Variants in MMRN2 observed in about 807,000 individuals in gnomAD.
MMRN2 encodes multimerin-2.
MMRN2 carries 53 observed loss-of-function variants against 68.8 expected under a neutral mutation model. The observed-to-expected ratio is 0.77, with a 90% confidence interval of 0.62 to 0.97. The LOEUF is 0.97. Ranked by LOEUF, MMRN2 falls within the 50% of genes least tolerant of loss-of-function variation. The pLI is 0.00. For synonymous variants in MMRN2, 564 were observed against 551.6 expected (o/e 1.02, Z -0.32); for missense variants, 1,266 against 1,259.5 (o/e 1.01, Z -0.08).
At position 86,957,385 on chromosome 10, in the gene MMRN2, C is replaced by CCAAGCAG; in HGVS notation, c.156_157insCTGCTTG (p.Val53LeufsTer6). On this transcript the variant is annotated frameshift_variant, in exon 1 of 7. Transcript: ENST00000372027. LOFTEE classifies it high-confidence loss of function. ...AGGTCCAGGCCCTCTTACCGTCCTA[C>CCAAGCAG]GGGGTCCTTGCCGGTGTCCTCAGCC... 1 of 1,613,152 alleles carries CCAAGCAG rather than the reference C, an allele frequency of 6.2e-7. No homozygotes were observed. Among genetic ancestry groups the CCAAGCAG allele is most frequent in the Non-Finnish European group, 8.5e-7 (1 of 1,179,858 alleles).
At chr10:86,941,798 T>TAAAAAA (rs55898424) in intron 6 of MMRN2, among the ~76,000 whole-genome samples, 1 of 115,048 alleles carries the variant, frequency 8.7e-6, no homozygotes, top group Non-Finnish European at 1.7e-5. Context: ...AGACCCATCT[T>TAAAAAA]AAAAAAAAAA....
Position 86,943,130 on chromosome 10 carries a change from C to G in MMRN2, c.1654G>C (p.Ala552Pro), listed in dbSNP as rs1275173130. Residue 552 changes from alanine to proline, a missense_variant, in exon 6 of 7, where the codon GCG (alanine) becomes CCG (proline). Ala to Pro is a conservative substitution (Grantham distance 27). Transcript: ENST00000372027. This position sits in a 1 kb window ranked among gnomAD's most constrained non-coding sequence, Gnocchi z 4.2. ...AVSLAVDAHK[A>P]EGERARAATS... ...GCCGCCCGCGCCCGCTCGCCCTCCG[C>G]TTTGTGCGCGTCCACGGCCAGCGAC... is the stretch of plus-strand genomic sequence containing the variant. 6.4e-7 allele frequency: 1 copy of G among 1,573,954 alleles called. No homozygotes were observed. The highest frequency in any genetic ancestry group is 1.4e-5 in the African/African-American group (1 of 74,040).
intron 1 of MMRN2, among the ~76,000 whole-genome samples, chr10:86,947,472 A>G (rs1844085791): frequency 6.6e-6 from 1 of 151,636 alleles, no homozygotes; most frequent in African/African-American, 2.4e-5. Context: ...GGTTCAAGCG[A>G]TTCTCCTTGC....
In MMRN2 at chr10:86,936,537, G is replaced by A. The variant is rs1381176114; in HGVS notation, c.*206C>T. 1.6e-6 allele frequency: 1 copy of A among 632,616 alleles called. No individual in the cohort carries two copies. The highest frequency in any genetic ancestry group is 2.9e-5 in the Admixed American group (1 of 34,318). 39.2% of individuals were successfully genotyped at this position (632,616 alleles called of 1,614,324 possible). ...GCTTCCTAGGACCATGTCCTGCCCG[G>A]AGAAGCATTCCAGTCCTTCTCATCA... is the stretch of plus-strand genomic sequence containing the variant. On this transcript the variant is annotated 3_prime_UTR_variant, in exon 7 of 7. Transcript: ENST00000372027.
At chr10:86,955,550 C>T (rs1175108523) in intron 1 of MMRN2, among the ~76,000 whole-genome samples, 1 of 152,210 alleles carries the variant, frequency 6.6e-6, no homozygotes, top group Middle Eastern at 3.2e-3. Flanking sequence ...GAATGCCTGG[C>T]CCTGGCAGCC....
chr10:86,943,843 C>A lies in MMRN2; in HGVS notation c.941G>T (p.Arg314Leu). ...CAGGGTAAAGTGCTGGGCGTGCAGGCGGTCCTCCACGTCCTGTCGCAGCTG... is the reference window on the plus strand; with the variant it reads ...CAGGGTAAAGTGCTGGGCGTGCAGGAGGTCCTCCACGTCCTGTCGCAGCTG... ...VGQLRQDVED[R>L]LHAQHFTLHR... is the part of the protein sequence containing the mutation. The change falls in exon 6 of 7, where the codon CGC (arginine) becomes CTC (leucine). Residue 314 changes from arginine to leucine, a missense_variant. By Grantham distance (102) the Arg-to-Leu change is moderately radical. Coordinates refer to ENST00000372027, the MANE Select transcript of MMRN2 (RefSeq NM_024756.3). This position sits in a 1 kb window ranked among gnomAD's most constrained non-coding sequence, Gnocchi z 4.2. 6.2e-7 allele frequency: 1 copy of A among 1,613,128 alleles called. No individual in the cohort carries two copies.
rs1189236287 is a variant in MMRN2, at chr10:86,944,426, G to A, written c.491C>T (p.Ala164Val). Residue 164 changes from alanine to valine, a missense_variant, in exon 5 of 7, where the codon GCT becomes GTT. By Grantham distance (64) the Ala-to-Val change is moderately conservative. Coordinates refer to ENST00000372027, the MANE Select transcript of MMRN2 (RefSeq NM_024756.3). ...GPVSFKPGHL[A>V]AVINEVEVQQ... ...CACCTCAACCTCATTGATCACTGCA[G>A]CAAGGTGGCCTAAATACACAGCAGA... The A allele has an allele frequency of 6.2e-7, 1 of 1,613,532 alleles. No individual in the cohort carries two copies. Among genetic ancestry groups the A allele is most frequent in the African/African-American group, 1.3e-5 (1 of 74,918 alleles).
chr10:86,952,774 T>C (rs904271126), intron 1 of MMRN2, among the ~76,000 whole-genome samples: 2 of 152,146 alleles, frequency 1.3e-5, no homozygotes, highest in African/African-American at 4.8e-5. Flanking sequence ...AAACAGGGTT[T>C]GAGAGCAGAG....
chr10:86,939,806 GGT>G (rs769816445), intron 6 of MMRN2, among the ~76,000 whole-genome samples: 2,812 of 146,680 alleles, frequency 0.019, 71 homozygotes, highest in African/African-American at 0.061. Context: ...GGAAATTTGG[GGT>G]GTGTGTGTGT....
At position 86,943,363 on chromosome 10, in the gene MMRN2, G is replaced by A; in HGVS notation, c.1421C>T (p.Thr474Met). The A allele has an allele frequency of 1.9e-6, 3 of 1,613,958 alleles. No individual in the cohort carries two copies. The highest frequency in any genetic ancestry group is 2.5e-6 in the Non-Finnish European group (3 of 1,179,994). The change falls in exon 6 of 7, where the codon ACG (threonine) becomes ATG (methionine). Residue 474 changes from threonine (T) to methionine (M), a missense_variant. Physicochemically the swap from Thr to Met is moderately conservative, Grantham distance 81. Coordinates refer to ENST00000372027, the MANE Select transcript of MMRN2 (RefSeq NM_024756.3). The surrounding 1 kb of genome is among the most constrained non-coding windows in gnomAD (Gnocchi z 4.2). ...VERQLLELNL[T>M]LQHLQGGHAD... is the part of the protein sequence containing the mutation. ...ATGGCCACCCTGCAGGTGCTGCAGCGTGAGGTTGAGCTCCAGGAGCTGCCG... is the reference window on the plus strand; with the variant it reads ...ATGGCCACCCTGCAGGTGCTGCAGCATGAGGTTGAGCTCCAGGAGCTGCCG...
chr10:86,944,547 G>C, intron 4 of MMRN2, 112 bp from the exon 5 acceptor site: 1 of 1,209,368 alleles, frequency 8.3e-7, no homozygotes, highest in Non-Finnish European at 1.2e-6. Flanking sequence ...AGCTGCTGAT[G>C]TCCTCTGAGC....
chr10:86,953,785 G>C (rs1844176738), intron 1 of MMRN2, among the ~76,000 whole-genome samples: 1 of 152,232 alleles, frequency 6.6e-6, no homozygotes, highest in Non-Finnish European at 1.5e-5. Context: ...ACTGCAGAGG[G>C]CCTGGAAGGC....
Position 86,943,592 on chromosome 10 carries a change from G to T in MMRN2, c.1192C>A (p.Leu398Met). Residue 398 changes from leucine to methionine, a missense_variant, in exon 6 of 7, where the codon CTG becomes ATG. Physicochemically the swap from Leu to Met is conservative, Grantham distance 15 (BLOSUM62 2). Coordinates refer to ENST00000372027, the MANE Select transcript of MMRN2 (RefSeq NM_024756.3). This position sits in a 1 kb window ranked among gnomAD's most constrained non-coding sequence, Gnocchi z 4.2. Reference sequence around the variant, plus strand: ...GTCAGGGTGGCCCTCATGTCCTCCAGGGTGTACTGCAACTCCTCCTCCCTG... The same window carrying T: ...GTCAGGGTGGCCCTCATGTCCTCCATGGTGTACTGCAACTCCTCCTCCCTG... ...ARREEELQYTLEDMRATLTRH... is the reference protein window; with the variant it reads ...ARREEELQYTMEDMRATLTRH... 6.2e-7 allele frequency: 1 copy of T among 1,614,102 alleles called. No homozygotes were observed. The highest frequency in any genetic ancestry group is 1.1e-5 in the South Asian group (1 of 91,082).
At position 86,942,717 on chromosome 10, in the gene MMRN2, G is replaced by T. The variant is rs1377857490; in HGVS notation, c.2067C>A (p.Ala689=). The T allele has an allele frequency of 1.4e-6, 2 of 1,477,560 alleles. No homozygotes were observed. The highest frequency in any genetic ancestry group is 8.9e-7 in the Non-Finnish European group (1 of 1,123,020). 91.5% of individuals were successfully genotyped at this position (1,477,560 alleles called of 1,614,324 possible). The part of the protein sequence containing the change: ...EPSHDAGREE[A]ATTALAGLAR... ...CCAGCCCGGCCAGGGCGGTGGTGGCGGCCTCCTCGCGGCCCGCGTCGTGGC... is the reference window on the plus strand; with the variant it reads ...CCAGCCCGGCCAGGGCGGTGGTGGCTGCCTCCTCGCGGCCCGCGTCGTGGC... The change falls in exon 6 of 7, where the codon GCC becomes GCA. Residue 689 remains alanine (A), a synonymous_variant. Transcript: ENST00000372027.
chr10:86,949,554 A>C (rs1844116940), intron 1 of MMRN2: 1 of 151,554 alleles, frequency 6.6e-6, no homozygotes, highest in South Asian at 2.1e-4. Context: ...ACACCCAAAA[A>C]CAAAACCATT....
At chr10:86,948,777 G>C (rs895089262) in intron 1 of MMRN2, 2 of 152,050 alleles carry the variant, frequency 1.3e-5, no homozygotes, top group Non-Finnish European at 2.9e-5. Context: ...AACATGGCAA[G>C]ATCTCAATCT....
In MMRN2 at chr10:86,936,596, G is replaced by A; in HGVS notation, c.*147C>T. On this transcript the variant is annotated 3_prime_UTR_variant, in exon 7 of 7. Coordinates refer to ENST00000372027, the MANE Select transcript of MMRN2 (RefSeq NM_024756.3). ...TGGCCAAGCCCCATGTGGTTACAGG[G>A]AAGCCACGTACACCACACCATCTTT... The A allele has an allele frequency of 3.2e-6, 3 of 947,008 alleles. No individual in the cohort carries two copies. Among genetic ancestry groups the A allele is most frequent in the Non-Finnish European group, 1.6e-6 (1 of 626,382 alleles). 58.7% of individuals were successfully genotyped at this position (947,008 alleles called of 1,614,324 possible).
rs1265791409 is a variant in MMRN2, at chr10:86,942,833, G to A, written c.1951C>T (p.Gln651Ter). Reference protein sequence around the residue: ...LQDAASGLQEQALGWDELAAR... With the variant: ...LQDAASGLQE ...GCCAGCTCGTCCCAGCCGAGCGCCT[G>A]CTCCTGCAGCCCGCTAGCGGCGTCC... The change falls in exon 6 of 7, where the codon CAG (glutamine) becomes TAG (stop). Residue 651 changes from glutamine to a stop codon, truncating the protein, a stop_gained. Coordinates refer to ENST00000372027, the MANE Select transcript of MMRN2 (RefSeq NM_024756.3). LOFTEE classifies it high-confidence loss of function. The A allele has an allele frequency of 7.3e-7, 1 of 1,375,124 alleles. No homozygotes were observed. The highest frequency in any genetic ancestry group is 9.4e-7 in the Non-Finnish European group (1 of 1,065,630). The allele number at this position is 1,375,124 out of a possible 1,614,324, so 85.2% of individuals were successfully genotyped here.
chr10:86,942,902 C>A lies in MMRN2; in HGVS notation c.1882G>T (p.Gly628Ter). 1 of 1,470,290 alleles carries A rather than the reference C, an allele frequency of 6.8e-7. No individual in the cohort carries two copies. Among genetic ancestry groups the A allele is most frequent in the African/African-American group, 1.5e-5 (1 of 68,256 alleles). 91.1% of individuals were successfully genotyped at this position (1,470,290 alleles called of 1,614,324 possible). ...TGCTCGTAGCTCAGGGGCAGCGGTC[C>A]CGGCGTCTGCTCAGACATCTCCTCC... ...VLEEMSEQTP[G>*]PLPLSYEQIR... The change falls in exon 6 of 7, where the codon GGA (glycine) becomes TGA (stop). Residue 628 changes from glycine (G) to a stop codon, truncating the protein, a stop_gained. Coordinates refer to ENST00000372027, the MANE Select transcript of MMRN2 (RefSeq NM_024756.3). LOFTEE classifies it high-confidence loss of function.
Sources: allele counts gnomAD v4.1 joint callset (sites outside exome capture counted in the v4.1 genomes callset), GRCh38; gene constraint gnomAD v4.1.1; non-coding constraint Gnocchi (gnomAD v3.1); transcripts MANE v1.5; gene names NCBI Gene and HGNC (gene_info 2026-07-23, HGNC 2026-07-21).